Variants in APOH observed in about 807,000 individuals in gnomAD.
The protein encoded by APOH is apolipoprotein H.
APOH carries 48 observed loss-of-function variants against 39.8 expected under a neutral mutation model. That is an observed-to-expected ratio of 1.21 (90% CI 0.96 to 1.54). The LOEUF is 1.54. Among genes scored for constraint, APOH ranks in the 40% most tolerant of loss-of-function variants. The pLI, the probability that APOH is intolerant of heterozygous loss-of-function variation, is 0.00. For synonymous variants in APOH, 153 were observed against 151.1 expected (o/e 1.01, Z -0.09); for missense variants, 415 against 421.2 (o/e 0.99, Z 0.13).
intron 3 of APOH, among the ~76,000 whole-genome samples, chr17:66,225,628 C>T (rs1214661093): frequency 1.3e-5 from 2 of 152,128 alleles, no homozygotes; most frequent in Non-Finnish European, 2.9e-5. Flanking sequence ...CTACGTATTG[C>T]ACTAGTTGTT....
chr17:66,221,714 T>C (rs8178923), intron 4 of APOH, among the ~76,000 whole-genome samples: 3,171 of 152,234 alleles, frequency 0.021, 112 homozygotes, highest in African/African-American at 0.071. Context: ...TTTTGGATTC[T>C]TGGTATGGAT....
chr17:66,224,980 T>C (rs1172894007), intron 3 of APOH, among the ~76,000 whole-genome samples: 2 of 151,064 alleles, frequency 1.3e-5, no homozygotes, highest in African/African-American at 4.9e-5. Context: ...GGCAGGAGAA[T>C]TGCTTGAACC....
chr17:66,228,145 G>A lies in APOH; in HGVS notation c.116C>T (p.Thr39Ile), dbSNP rs1257439172. Residue 39 changes from threonine to isoleucine, a missense_variant, in exon 2 of 8, where the codon ACA becomes ATA. Physicochemically the swap from Thr to Ile is moderately conservative, Grantham distance 89 (BLOSUM62 -1). This residue lies in a region of APOH where 288 missense variants were observed against 284.9 expected (regional missense o/e 1.01). Coordinates refer to ENST00000205948, the MANE Select transcript of APOH (RefSeq NM_000042.3). ...AATCTCTTCTCCTGGCTCATAGAAT[G>A]TTTTTAACGGGACCACTGTGGAAAA... ...LPFSTVVPLK[T>I]FYEPGEEITY... 6.2e-7 allele frequency: 1 copy of A among 1,614,164 alleles called. No individual in the cohort carries two copies. Among genetic ancestry groups the A allele is most frequent in the South Asian group, 1.1e-5 (1 of 91,082 alleles).
intron 3 of APOH, among the ~76,000 whole-genome samples, chr17:66,224,225 C>T (rs2073420618): frequency 6.6e-6 from 1 of 151,996 alleles, no homozygotes; most frequent in Admixed American, 6.6e-5. Flanking sequence ...CCTGTAATCC[C>T]AGCACTTTGG....
intron 5 of APOH, among the ~76,000 whole-genome samples, chr17:66,217,951 A>C (rs2073375315): frequency 6.6e-6 from 1 of 152,146 alleles, no homozygotes; most frequent in African/African-American, 2.4e-5. Context: ...TCAAAAAAAA[A>C]ATAAGAATCC....
At chr17:66,228,307 A>G (rs978903696) in intron 1 of APOH, 111 bp from the exon 2 acceptor site, 3 of 1,142,496 alleles carry the variant, frequency 2.6e-6, no homozygotes, top group Admixed American at 2.3e-5. Context: ...AAGCATACCA[A>G]GTTGCATGCC....
chr17:66,223,580 A>G (rs771750660), intron 4 of APOH, 118 bp downstream of exon 4: 3 of 857,488 alleles, frequency 3.5e-6, no homozygotes, highest in Non-Finnish European at 5.8e-6. Flanking sequence ...TATCCCCCAC[A>G]AGGGTGACCA....
chr17:66,214,680 T>G lies in APOH; in HGVS notation c.785-30A>C, dbSNP rs775814827. 3 of 1,571,564 alleles carry G rather than the reference T, an allele frequency of 1.9e-6. No homozygotes were observed. In the South Asian group the frequency reaches 3.4e-5, roughly 18 times the overall value. ...AAGAGAGAATACTTGTAATCAGGAC[T>G]TAAGAGTTCAGGAAGTCTTTCTGAA... On this transcript the variant is annotated intron_variant, in intron 6 of 7. Transcript: ENST00000205948.
chr17:66,212,591 G>A (rs1217192102), intron 7 of APOH, among the ~76,000 whole-genome samples: 2 of 152,196 alleles, frequency 1.3e-5, no homozygotes, highest in East Asian at 1.9e-4. Context: ...CACCATGTTG[G>A]CCAGGCTGGC....
In APOH at chr17:66,219,788, G is replaced by A. The variant is rs183945749; in HGVS notation, c.604+766C>T. 3.2e-4 allele frequency among the ~76,000 whole-genome samples: 48 copies of A among 152,112 alleles called. No individual in the cohort carries two copies. The South Asian group carries it at 5.6e-3, about 18-fold the overall frequency. On this transcript the variant is annotated intron_variant, in intron 5 of 7. Transcript: ENST00000205948. ...ACAAAAATTAGCCAAGTATGGTGAC[G>A]GGCACCTGTAATCCCGGCTACTTGG...
At chr17:66,213,206 A>G (rs1429841170) in intron 7 of APOH, among the ~76,000 whole-genome samples, 1 of 152,248 alleles carries the variant, frequency 6.6e-6, no homozygotes, top group Non-Finnish European at 1.5e-5. Flanking sequence ...TTCTAAACCT[A>G]GAGCCAAGGA....
intron 7 of APOH, among the ~76,000 whole-genome samples, chr17:66,212,622 G>A (rs1195039120): frequency 3.3e-5 from 5 of 152,056 alleles, no homozygotes; most frequent in African/African-American, 4.8e-5. Flanking sequence ...CAAGTGATCC[G>A]CCCGCCTTGG....
chr17:66,218,356 C>G (rs2073377814), intron 5 of APOH, among the ~76,000 whole-genome samples: 1 of 151,974 alleles, frequency 6.6e-6, no homozygotes, highest in African/African-American at 2.4e-5. Context: ...GTTGCCCAGG[C>G]TGGAGTGCAG....
chr17:66,215,526 T>A (rs1239153233), intron 6 of APOH, among the ~76,000 whole-genome samples: 4 of 152,188 alleles, frequency 2.6e-5, no homozygotes, highest in Non-Finnish European at 5.9e-5. Flanking sequence ...TGTACTCGAA[T>A]CCCCGTCTCA....
chr17:66,219,242 T>C lies in APOH; in HGVS notation c.604+1312A>G, dbSNP rs1207716341. On this transcript the variant is annotated intron_variant, in intron 5 of 7. Transcript: ENST00000205948. Reference sequence around the variant, plus strand: ...TAATCCAAAACATATGAAGTGATGATATAAAATGTCCTTGTTCTTAGTATA... The same window carrying C: ...TAATCCAAAACATATGAAGTGATGACATAAAATGTCCTTGTTCTTAGTATA... Among the ~76,000 whole-genome samples, 7 of 152,144 alleles carry C rather than the reference T, an allele frequency of 4.6e-5. No individual in the cohort carries two copies. In the East Asian group the frequency reaches 9.6e-4, roughly 21 times the overall value.
intron 2 of APOH, among the ~76,000 whole-genome samples, chr17:66,227,744 C>T (rs1290846987): frequency 6.6e-6 from 1 of 152,162 alleles, no homozygotes; most frequent in Non-Finnish European, 1.5e-5. Context: ...CTTTTAACTT[C>T]TGTAGTGTTT....
chr17:66,215,149 A>G (rs2073357338), intron 6 of APOH, among the ~76,000 whole-genome samples: 1 of 152,192 alleles, frequency 6.6e-6, no homozygotes, highest in Non-Finnish European at 1.5e-5. Flanking sequence ...GAGCAGCTCA[A>G]AGCCAAAGAC....
intron 5 of APOH, among the ~76,000 whole-genome samples, chr17:66,219,719 G>C (rs1460496483): frequency 6.6e-6 from 1 of 152,138 alleles, no homozygotes; most frequent in African/African-American, 2.4e-5. Context: ...AGGCATTTCA[G>C]ACCAGCCAGA....
chr17:66,222,686 C>A (rs2073409940), intron 4 of APOH, among the ~76,000 whole-genome samples: 1 of 151,108 alleles, frequency 6.6e-6, no homozygotes, highest in African/African-American at 2.4e-5. Flanking sequence ...ATTCTCTTGC[C>A]TCAGCCTCCC....
Sources: allele counts gnomAD v4.1 joint callset (sites outside exome capture counted in the v4.1 genomes callset), GRCh38; gene constraint gnomAD v4.1.1; regional missense constraint gnomAD v4.1.1; transcripts MANE v1.5; gene names NCBI Gene and HGNC (gene_info 2026-07-23, HGNC 2026-07-21).